Variants in NFILZ observed in about 807,000 individuals in gnomAD.
NFILZ encodes NFIL3 like basic leucine zipper.
intron 3 of NFILZ, among the ~76,000 whole-genome samples, chr19:8,645,300 A>AAT (rs1353265740): frequency 6.8e-5 from 8 of 118,084 alleles, no homozygotes; most frequent in Non-Finnish European, 1.5e-4. Context: ...CACCTGGGTG[A>AAT]TTTTTTTTTT....
Position 8,680,395 on chromosome 19 carries a change from C to T in NFILZ, c.*2760C>T, listed in dbSNP as rs2043141098. 6.8e-6 allele frequency among the ~76,000 whole-genome samples: 1 copy of T among 146,386 alleles called. No individual in the cohort carries two copies. Among genetic ancestry groups the T allele is most frequent in the African/African-American group, 2.6e-5 (1 of 38,308 alleles). On this transcript the variant is annotated 3_prime_UTR_variant, in exon 6 of 6. Transcript: ENST00000691075. ...AAGTTTCTCATTGTTTCATTTTATT[C>T]AAGGCATGTTTTGTTGTAAAAAGTC...
intron 2 of NFILZ, among the ~76,000 whole-genome samples, chr19:8,634,000 G>C (rs8105772): frequency 0.92 from 135,887 of 147,532 alleles, 62,718 homozygotes; most frequent in Middle Eastern, 0.96. Flanking sequence ...TTGCTTTCTT[G>C]TTTCCTTTTT....
chr19:8,653,201 C>T (rs2042977559), intron 3 of NFILZ, among the ~76,000 whole-genome samples: 1 of 151,758 alleles, frequency 6.6e-6, no homozygotes, highest in African/African-American at 2.4e-5. Context: ...CTGCCTCAGC[C>T]TCCCAAGTAG....
At chr19:8,661,026 T>TCC (rs2043028107) in intron 3 of NFILZ, among the ~76,000 whole-genome samples, 1 of 72,878 alleles carries the variant, frequency 1.4e-5, no homozygotes, top group East Asian at 5.0e-4. Flanking sequence ...CTTTCCTCCC[T>TCC]CCCTCTCCCT....
chr19:8,647,445 G>A (rs548739852), intron 3 of NFILZ, among the ~76,000 whole-genome samples: 41 of 152,060 alleles, frequency 2.7e-4, no homozygotes, highest in Non-Finnish European at 5.4e-4. Flanking sequence ...GGTGGCAGGC[G>A]CCTGTAATCC....
At chr19:8,672,139 T>C (rs1327566395) in intron 3 of NFILZ, among the ~76,000 whole-genome samples, 1 of 151,944 alleles carries the variant, frequency 6.6e-6, no homozygotes, top group Non-Finnish European at 1.5e-5. Flanking sequence ...TTCATGCATT[T>C]GTTAGTTCAT....
At chr19:8,656,152 G>T (rs1284032394) in intron 3 of NFILZ, among the ~76,000 whole-genome samples, 1 of 125,070 alleles carries the variant, frequency 8.0e-6, no homozygotes, top group Non-Finnish European at 1.9e-5. Flanking sequence ...ATCTGAGAAG[G>T]CCCTCCATAG....
chr19:8,642,732 TC>T (rs1454684456), intron 3 of NFILZ, among the ~76,000 whole-genome samples: 1 of 152,058 alleles, frequency 6.6e-6, no homozygotes, highest in Non-Finnish European at 1.5e-5. Flanking sequence ...CGCAAGAACT[TC>T]CCCTTGTGTC....
intron 3 of NFILZ, among the ~76,000 whole-genome samples, chr19:8,648,480 A>T (rs1372847578): frequency 6.6e-6 from 1 of 152,126 alleles, no homozygotes; most frequent in Non-Finnish European, 1.5e-5. Context: ...CTGAGAAATG[A>T]TTAAAATGGT....
At chr19:8,651,987 A>G (rs1026602022) in intron 3 of NFILZ, among the ~76,000 whole-genome samples, 2 of 152,206 alleles carry the variant, frequency 1.3e-5, no homozygotes, top group Non-Finnish European at 2.9e-5. Context: ...ATGATAGTAT[A>G]ATACATCTAC....
intron 3 of NFILZ, among the ~76,000 whole-genome samples, chr19:8,673,921 A>C (rs1436796519): frequency 6.6e-6 from 1 of 151,962 alleles, no homozygotes; most frequent in Non-Finnish European, 1.5e-5. Context: ...GCTCACTGCA[A>C]CCTCCGCCTC....
At chr19:8,639,456 G>A (rs1555746437) in intron 3 of NFILZ, among the ~76,000 whole-genome samples, 1 of 152,144 alleles carries the variant, frequency 6.6e-6, no homozygotes, top group East Asian at 1.9e-4. Flanking sequence ...AATTAGCCAA[G>A]TATGGTGGCA....
chr19:8,651,791 C>T (rs2042965933), intron 3 of NFILZ, among the ~76,000 whole-genome samples: 1 of 152,140 alleles, frequency 6.6e-6, no homozygotes, highest in Non-Finnish European at 1.5e-5. Flanking sequence ...CTGCGGCCTC[C>T]CAAAGTGCTG....
At chr19:8,637,201 C>T (rs1311123650) in intron 3 of NFILZ, among the ~76,000 whole-genome samples, 1 of 152,060 alleles carries the variant, frequency 6.6e-6, no homozygotes, top group African/African-American at 2.4e-5. Flanking sequence ...TGCACTCCAG[C>T]CGGGTGTGAT....
intron 3 of NFILZ, among the ~76,000 whole-genome samples, chr19:8,663,750 G>GTATGTGTGTGTGTA (rs1403759520): frequency 5.8e-5 from 8 of 136,968 alleles, no homozygotes; most frequent in African/African-American, 2.2e-4. Flanking sequence ...GTGTGTGTGT[G>GTATGTGTGTGTGTA]TGTGTGTGTG....
At chr19:8,661,937 C>T (rs1555749162) in intron 3 of NFILZ, among the ~76,000 whole-genome samples, 2 of 151,988 alleles carry the variant, frequency 1.3e-5, no homozygotes, top group Admixed American at 1.3e-4. Flanking sequence ...AGGTGGTTCA[C>T]ACCTGTAATC....
At chr19:8,636,312 G>A (rs1184000801) in intron 3 of NFILZ, among the ~76,000 whole-genome samples, 2 of 151,154 alleles carry the variant, frequency 1.3e-5, no homozygotes, top group African/African-American at 4.8e-5. Flanking sequence ...ACTGGGCATG[G>A]TGGCACACGC....
chr19:8,647,269 G>T (rs1282535197), intron 3 of NFILZ, among the ~76,000 whole-genome samples: 3 of 152,036 alleles, frequency 2.0e-5, no homozygotes, highest in Non-Finnish European at 4.4e-5. Context: ...ATACTATGGA[G>T]CCATACAAAG....
chr19:8,652,103 AT>A (rs35038370), intron 3 of NFILZ, among the ~76,000 whole-genome samples: 1,435 of 141,610 alleles, frequency 0.01, 13 homozygotes, highest in African/African-American at 0.027. Context: ...CCACTGGGAG[AT>A]TTTTTTTTTT....
Sources: allele counts gnomAD v4.1 joint callset (sites outside exome capture counted in the v4.1 genomes callset), GRCh38; gene constraint gnomAD v4.1.1; transcripts MANE v1.5; gene names NCBI Gene and HGNC (gene_info 2026-07-23, HGNC 2026-07-21).